The following TTC7A variants were observed in gnomAD, a reference collection of about 807,000 sequenced individuals.
The protein encoded by TTC7A is tetratricopeptide repeat domain 7A.
A neutral mutation model predicts 103.7 loss-of-function variants in TTC7A; 110 were observed. The ratio of observed to expected loss-of-function variants is 1.06; its 90% confidence interval spans 0.91 to 1.24. The LOEUF is 1.24. Among genes scored for constraint, TTC7A ranks in the 50% most tolerant of loss-of-function variants. TTC7A has a pLI of 0.00. For synonymous variants in TTC7A, 521 were observed against 467.9 expected (o/e 1.11, Z -1.47); for missense variants, 1,340 against 1,116.3 (o/e 1.20, Z -2.86).
rs1677429839 is a variant in TTC7A, at chr2:47,006,628, C to G, written c.1204-13C>G. On this transcript the variant is annotated splice_polypyrimidine_tract_variant and intron_variant, in intron 9 of 19. Transcript: ENST00000319190. Reference sequence around the variant, plus strand: ...CCCCTGGTGGGTAAATGCTGACTATCTCCCCTCCCCAGTGCCTGGAGCGAG... The same window carrying G: ...CCCCTGGTGGGTAAATGCTGACTATGTCCCCTCCCCAGTGCCTGGAGCGAG... The G allele has an allele frequency of 6.2e-7, 1 of 1,611,868 alleles. No homozygotes were observed. The highest frequency in any genetic ancestry group is 1.3e-5 in the African/African-American group (1 of 74,878).
Position 46,993,486 on chromosome 2 carries a change from G to A in TTC7A, c.801G>A (p.Val267=). The part of the protein sequence containing the change: ...IVKGMRELRE[V]LRTVETKATQ... ...AGGGCATGAGAGAGCTCCGGGAGGT[G>A]CTGCGGACTGTGGAGACCAAAGCAA... Residue 267 remains valine (V), a synonymous_variant, in exon 6 of 20, where the codon GTG becomes GTA. Transcript: ENST00000319190. The A allele has an allele frequency of 1.2e-6, 2 of 1,614,164 alleles. No homozygotes were observed. Among genetic ancestry groups the A allele is most frequent in the Admixed American group, 1.7e-5 (1 of 60,018 alleles).
At chr2:46,930,777 G>A (rs1669658662) in intron 2 of TTC7A, among the ~76,000 whole-genome samples, 1 of 152,144 alleles carries the variant, frequency 6.6e-6, no homozygotes, top group African/African-American at 2.4e-5. Context: ...AGGGATTACA[G>A]GCGTGAGCCA....
chr2:47,005,438 C>A (rs949557821), intron 8 of TTC7A, among the ~76,000 whole-genome samples: 37 of 152,096 alleles, frequency 2.4e-4, no homozygotes, highest in African/African-American at 8.2e-4. Context: ...TTCCATAAAA[C>A]GACTGGCCTG....
rs534316670 is a variant in TTC7A at position 47,059,044 on chromosome 2, T to C, written c.2153-1725T>C. Among the ~76,000 whole-genome samples the C allele has an allele frequency of 5.8e-4, 65 of 112,926 alleles. 1 individual carries two copies. Among genetic ancestry groups the C allele is most frequent in the South Asian group, 4.5e-3 (14 of 3,126 alleles). The allele number at this position is 112,926 out of a possible 152,430, so 74.1% of individuals were successfully genotyped here. A position where few individuals can be genotyped will look rare whatever the true frequency, so the allele number is the denominator to read the frequency against. ...TTTTTTTTTTTTTTTTTTTTTGAGA[T>C]GGAGTCTCACTCTGTCGCCCAGGCT... On this transcript the variant is annotated intron_variant, in intron 18 of 19. Coordinates refer to ENST00000319190, the MANE Select transcript of TTC7A (RefSeq NM_020458.4).
chr2:46,919,885 A>G (rs925217870), intron 2 of TTC7A, among the ~76,000 whole-genome samples: 22 of 152,242 alleles, frequency 1.4e-4, no homozygotes, highest in African/African-American at 5.3e-4. Context: ...GGTGACCTCA[A>G]TGGGTTGCAT....
intron 14 of TTC7A, among the ~76,000 whole-genome samples, chr2:47,026,701 G>A (rs1250631782): frequency 1.3e-5 from 2 of 152,238 alleles, no homozygotes; most frequent in East Asian, 3.9e-4. Context: ...TTTGGGGCTT[G>A]AAGAGGGAAA....
intron 5 of TTC7A, among the ~76,000 whole-genome samples, chr2:46,984,222 A>G (rs1191175402): frequency 6.6e-6 from 1 of 152,232 alleles, no homozygotes; most frequent in Non-Finnish European, 1.5e-5. Context: ...CTGATAGGCT[A>G]CACTGCCCAC....
chr2:47,026,565 T>C (rs1679937275), intron 14 of TTC7A, among the ~76,000 whole-genome samples: 1 of 152,108 alleles, frequency 6.6e-6, no homozygotes, highest in Non-Finnish European at 1.5e-5. Flanking sequence ...AAGAGACTCA[T>C]GGGGTTCCTG....
At chr2:47,003,272 G>T (rs1402634808) in intron 8 of TTC7A, among the ~76,000 whole-genome samples, 1 of 152,154 alleles carries the variant, frequency 6.6e-6, no homozygotes, top group African/African-American at 2.4e-5. Context: ...ACCAGACGGG[G>T]GCATGTGAGC....
At chr2:46,984,275 C>T (rs746778884) in intron 5 of TTC7A, among the ~76,000 whole-genome samples, 18 of 152,232 alleles carry the variant, frequency 1.2e-4, no homozygotes, top group African/African-American at 3.1e-4. Flanking sequence ...GGGATGCTCA[C>T]GCCCTGCAGG....
In TTC7A at chr2:46,994,438, C is replaced by T. The variant is rs1675951400; in HGVS notation, c.925C>T (p.Pro309Ser). ...CYWSPLSHPLPEFMGKEESSF... is the reference protein window; with the variant it reads ...CYWSPLSHPLSEFMGKEESSF... Reference sequence around the variant, plus strand: ...CTGGAGCCCCCTGTCCCACCCTCTGCCTGAGTTCATGGGCAAGGAGGAGAG... The same window carrying T: ...CTGGAGCCCCCTGTCCCACCCTCTGTCTGAGTTCATGGGCAAGGAGGAGAG... The change falls in exon 7 of 20, where the codon CCT becomes TCT. Residue 309 changes from proline (P) to serine (S), a missense_variant. Transcript: ENST00000319190. 3 of 1,613,982 alleles carry T rather than the reference C, an allele frequency of 1.9e-6. No homozygotes were observed. The highest frequency in any genetic ancestry group is 2.5e-6 in the Non-Finnish European group (3 of 1,180,002).
At chr2:46,989,707 A>G (rs931124895) in intron 5 of TTC7A, among the ~76,000 whole-genome samples, 2 of 151,972 alleles carry the variant, frequency 1.3e-5, no homozygotes, top group African/African-American at 4.8e-5. Context: ...TTGCAAAAGA[A>G]TTCCTGGGAG....
At chr2:46,958,528 G>T in intron 3 of TTC7A, 2 of 1,304,180 alleles carry the variant, frequency 1.5e-6, no homozygotes. Context: ...ACACAGTCCC[G>T]GTGGTCAGAG....
intron 3 of TTC7A, 178 bp from the exon 4 acceptor site, chr2:46,974,795 G>T: frequency 1.2e-6 from 1 of 806,922 alleles, no homozygotes; most frequent in Non-Finnish European, 2.0e-6. Flanking sequence ...CTTACTCCCA[G>T]CCACTGCTAA....
At chr2:47,003,382 T>G (rs13413587) in intron 8 of TTC7A, among the ~76,000 whole-genome samples, 23,026 of 151,956 alleles carry the variant, frequency 0.15, 2,540 homozygotes, top group African/African-American at 0.31. Flanking sequence ...TGAATGGGGT[T>G]GTGAGGAGGT....
At chr2:47,036,283 G>T (rs565818271) in intron 15 of TTC7A, among the ~76,000 whole-genome samples, 1 of 152,276 alleles carries the variant, frequency 6.6e-6, no homozygotes, top group Admixed American at 6.5e-5. Context: ...AAGTAAGAAG[G>T]CACTAACTTC....
chr2:47,047,318 A>G, intron 16 of TTC7A: 1 of 1,548,856 alleles, frequency 6.5e-7, no homozygotes. Context: ...CATCTGTAAC[A>G]GTGAAATTTA....
intron 5 of TTC7A, among the ~76,000 whole-genome samples, chr2:46,985,053 C>T (rs1288287648): frequency 1.3e-5 from 2 of 152,192 alleles, no homozygotes; most frequent in Admixed American, 1.3e-4. Context: ...TGTCTGCACT[C>T]TGTGCTGAGG....
At chr2:46,958,392 G>C in intron 3 of TTC7A, 1 of 855,150 alleles carries the variant, frequency 1.2e-6, no homozygotes, top group South Asian at 1.4e-5. Context: ...AGCCATGGAC[G>C]CCCTGAGCGG....
Sources: gnomAD v4.1 joint callset for allele counts (sites outside exome capture counted in the v4.1 genomes callset) on GRCh38, gnomAD v4.1.1 for gene constraint, MANE v1.5 for transcripts, NCBI Gene and HGNC (gene_info 2026-07-23, HGNC 2026-07-21) for gene names.